Variants in PRKG1 observed in about 807,000 individuals in gnomAD.
PRKG1 encodes cGMP-dependent protein kinase 1.
PRKG1 carries 35 observed loss-of-function variants against 88.1 expected under a neutral mutation model. The ratio of observed to expected loss-of-function variants is 0.40; its 90% confidence interval spans 0.30 to 0.53. The LOEUF (loss-of-function observed/expected upper bound fraction) is 0.53. Among genes scored for constraint, PRKG1 ranks in the 20% least tolerant of loss-of-function variants. The probability of loss-of-function intolerance (pLI) is 0.59; values close to 1 mark genes in which losing one functional copy is unlikely to be tolerated. For synonymous variants in PRKG1, 303 were observed against 292.5 expected, an observed-to-expected ratio of 1.04 and a Z score of -0.37; for missense variants, 540 against 839.8, an observed-to-expected ratio of 0.64 and a Z score of 4.41.
chr10:51,725,026 G>C (rs1299339714), intron 3 of PRKG1, among the ~76,000 whole-genome samples: 1 of 151,974 alleles, frequency 6.6e-6, no homozygotes, highest in Non-Finnish European at 1.5e-5. Flanking sequence ...ATGTTTTAAT[G>C]ACTGGAAAAA....
At chr10:52,115,965 A>G (rs766090829) in intron 7 of PRKG1, among the ~76,000 whole-genome samples, 1 of 152,114 alleles carries the variant, frequency 6.6e-6, no homozygotes, top group Non-Finnish European at 1.5e-5. Flanking sequence ...AGCGCCCTGA[A>G]CCAGTAGTCT....
At chr10:51,734,659 C>G (rs570248516) in intron 3 of PRKG1, among the ~76,000 whole-genome samples, 15 of 152,154 alleles carry the variant, frequency 9.9e-5, no homozygotes, top group African/African-American at 3.4e-4. Flanking sequence ...CAATTTTTCA[C>G]TAAGGGATGG....
chr10:51,030,148 TTGA>T (rs1843263911), intron 1 of PRKG1, among the ~76,000 whole-genome samples: 1 of 152,122 alleles, frequency 6.6e-6, no homozygotes, highest in African/African-American at 2.4e-5. Flanking sequence ...TAATAGTAAA[TTGA>T]ACACTGTATT....
At chr10:51,464,969 T>A (rs565821126) in intron 2 of PRKG1, among the ~76,000 whole-genome samples, 2 of 152,194 alleles carry the variant, frequency 1.3e-5, no homozygotes, top group African/African-American at 4.8e-5. Context: ...ATTTTAAACT[T>A]TGGAGACTTA....
At chr10:51,232,080 AG>A (rs1379805754) in intron 2 of PRKG1, among the ~76,000 whole-genome samples, 1 of 152,182 alleles carries the variant, frequency 6.6e-6, no homozygotes, top group Admixed American at 6.6e-5. Context: ...GGCAAACTAA[AG>A]GTACTAAAAA....
chr10:51,126,364 T>C (rs1845417288), intron 1 of PRKG1, among the ~76,000 whole-genome samples: 1 of 135,188 alleles, frequency 7.4e-6, no homozygotes, highest in South Asian at 2.2e-4. Context: ...TTTTATTATT[T>C]TATATTTTAT....
At chr10:51,004,786 A>G (rs972554980) in intron 1 of PRKG1, among the ~76,000 whole-genome samples, 1 of 152,150 alleles carries the variant, frequency 6.6e-6, no homozygotes, top group African/African-American at 2.4e-5. Flanking sequence ...AATTTTGAAA[A>G]TAAGGAAAAT....
At chr10:51,344,602 A>G (rs1842073354) in intron 2 of PRKG1, among the ~76,000 whole-genome samples, 1 of 152,188 alleles carries the variant, frequency 6.6e-6, no homozygotes, top group African/African-American at 2.4e-5. Flanking sequence ...TGACAAGATG[A>G]CTGTAGAGAT....
intron 5 of PRKG1, among the ~76,000 whole-genome samples, chr10:51,932,909 C>CT (rs1285073817): frequency 1.3e-5 from 2 of 152,012 alleles, no homozygotes; most frequent in African/African-American, 4.8e-5. Context: ...GTATCTTATT[C>CT]TTTTTATAAT....
chr10:51,299,674 C>G, intron 2 of PRKG1: 2 of 450,742 alleles, frequency 4.4e-6, no homozygotes. Context: ...TACAGGTTAC[C>G]TATGTTACAG....
chr10:51,238,584 A>T (rs779484848), intron 2 of PRKG1, among the ~76,000 whole-genome samples: 139 of 150,982 alleles, frequency 9.2e-4, no homozygotes, highest in Non-Finnish European at 1.7e-3. Context: ...CTCTACCTTA[A>T]AAAAAATAAA....
At chr10:52,033,332 C>A (rs887952631) in intron 5 of PRKG1, among the ~76,000 whole-genome samples, 27 of 152,070 alleles carry the variant, frequency 1.8e-4, no homozygotes, top group Non-Finnish European at 8.8e-5. Context: ...ATAAAACGTA[C>A]CTGGTCAAAG....
chr10:51,388,232 T>C (rs933889700), intron 2 of PRKG1, among the ~76,000 whole-genome samples: 1 of 152,210 alleles, frequency 6.6e-6, no homozygotes, highest in African/African-American at 2.4e-5. Flanking sequence ...AAGTGTTCCC[T>C]ATAGCCATCA....
chr10:52,122,015 G>A (rs1219875256), intron 7 of PRKG1, among the ~76,000 whole-genome samples: 6 of 152,164 alleles, frequency 3.9e-5, no homozygotes, highest in African/African-American at 1.2e-4. Flanking sequence ...ATTTTGTGCA[G>A]CTATAACAGA....
chr10:51,056,706 CTACATTTGT>C, intron 1 of PRKG1, among the ~76,000 whole-genome samples: 1 of 152,272 alleles, frequency 6.6e-6, no homozygotes, highest in South Asian at 2.1e-4. Context: ...TTAATGTAGT[CTACATTTGT>C]CAGTTTGACA....
At chr10:51,363,147 A>C (rs1842518855) in intron 2 of PRKG1, among the ~76,000 whole-genome samples, 2 of 151,790 alleles carry the variant, frequency 1.3e-5, no homozygotes, top group Non-Finnish European at 2.9e-5. Context: ...TATAATCAGC[A>C]ATGACAATCA....
chr10:51,386,743 C>A (rs547124956), intron 2 of PRKG1, among the ~76,000 whole-genome samples: 34 of 152,184 alleles, frequency 2.2e-4, no homozygotes, highest in African/African-American at 7.5e-4. Context: ...ATCCCATGGC[C>A]CAGTCAAGTT....
intron 1 of PRKG1, among the ~76,000 whole-genome samples, chr10:51,120,265 G>T (rs1243184853): frequency 6.6e-6 from 1 of 151,986 alleles, no homozygotes; most frequent in Non-Finnish European, 1.5e-5. Flanking sequence ...CTAAATAATG[G>T]TTAACTATAT....
chr10:51,632,573 G>A (rs564658421), intron 3 of PRKG1, among the ~76,000 whole-genome samples: 2 of 152,256 alleles, frequency 1.3e-5, no homozygotes, highest in East Asian at 3.9e-4. Context: ...GGGCAGCTAG[G>A]TTAATCGTAT....
Sources: allele counts gnomAD v4.1 joint callset (sites outside exome capture counted in the v4.1 genomes callset), GRCh38; gene constraint gnomAD v4.1.1; transcripts MANE v1.5; gene names NCBI Gene and HGNC (gene_info 2026-07-23, HGNC 2026-07-21).